The following TRIM58 variants were observed in gnomAD, a reference collection of about 807,000 sequenced individuals.
TRIM58 encodes the protein tripartite motif containing 58.
Under a neutral mutation model 34.1 loss-of-function variants are expected in TRIM58, and 38 were observed. That is an observed-to-expected ratio of 1.12 (90% confidence interval 0.86 to 1.46). TRIM58 has a LOEUF of 1.46. TRIM58 is among the 40% of genes most tolerant of loss of function. The probability of loss-of-function intolerance (pLI) is 0.00; values close to 1 mark genes in which losing one functional copy is unlikely to be tolerated. For synonymous variants in TRIM58, 273 were observed against 275.7 expected, an observed-to-expected ratio of 0.99 and a Z score of 0.10; for missense variants, 677 against 642.0, an observed-to-expected ratio of 1.05 and a Z score of -0.59.
intron 5 of TRIM58, among the ~76,000 whole-genome samples, chr1:247,872,784 TGGTG>T (rs1419640803): frequency 6.6e-6 from 1 of 151,794 alleles, no homozygotes; most frequent in Non-Finnish European, 1.5e-5. Flanking sequence ...GTTTCTCCAG[TGGTG>T]GTGGTGGAGG....
intron 5 of TRIM58, among the ~76,000 whole-genome samples, 153 bp downstream of exon 5, chr1:247,868,216 C>T (rs1191494472): frequency 6.6e-6 from 1 of 152,074 alleles, no homozygotes; most frequent in Non-Finnish European, 1.5e-5. Context: ...ACCAACAGAA[C>T]CTAAAGTCTT....
chr1:247,875,859 C>T (rs1454466385), intron 5 of TRIM58, 41 bp from the exon 6 acceptor site: 3 of 1,542,892 alleles, frequency 1.9e-6, no homozygotes, highest in Non-Finnish European at 2.6e-6. Context: ...TCTACCAGTC[C>T]TTTCTTTCCT....
intron 5 of TRIM58, among the ~76,000 whole-genome samples, chr1:247,875,532 C>T (rs79170292): frequency 0.026 from 3,927 of 151,860 alleles, 161 homozygotes; most frequent in African/African-American, 0.089. Context: ...AGCAAGACCC[C>T]GTCTCTCTGT....
At chr1:247,871,494 T>C (rs1188071547) in intron 5 of TRIM58, among the ~76,000 whole-genome samples, 1 of 152,216 alleles carries the variant, frequency 6.6e-6, no homozygotes, top group Non-Finnish European at 1.5e-5. Context: ...TCCCAAGTAA[T>C]GAAAACTATG....
chr1:247,873,193 G>T (rs1659190496), intron 5 of TRIM58, among the ~76,000 whole-genome samples: 1 of 152,082 alleles, frequency 6.6e-6, no homozygotes, highest in Admixed American at 6.6e-5. Flanking sequence ...TCATGCCATT[G>T]AACTCCAGCC....
At position 247,876,504 on chromosome 1, in the gene TRIM58, G is replaced by A. The variant is rs757632138; in HGVS notation, c.*15G>A. ...ATCATCTCTAAAATTCTGTTCCCAA[G>A]ATGCAGTCCTAGCGTAGCGAACGTT... On this transcript the variant is annotated 3_prime_UTR_variant, in exon 6 of 6. Transcript: ENST00000366481. 6 of 1,603,330 alleles carry A rather than the reference G, an allele frequency of 3.7e-6. No homozygotes were observed. Among genetic ancestry groups the A allele is most frequent in the Non-Finnish European group, 8.5e-7 (1 of 1,172,692 alleles).
chr1:247,876,376 A>G lies in TRIM58; in HGVS notation c.1348A>G (p.Ile450Val). 1.9e-6 allele frequency: 3 copies of G among 1,614,140 alleles called. No homozygotes were observed. The highest frequency in any genetic ancestry group is 2.5e-6 in the Non-Finnish European group (3 of 1,180,026). The change falls in exon 6 of 6, where the codon ATC becomes GTC. Residue 450 changes from isoleucine to valine, a missense_variant. Ile to Val is a conservative substitution (Grantham distance 29). Coordinates refer to ENST00000366481, the MANE Select transcript of TRIM58 (RefSeq NM_015431.4). ...FSGLLRPYFFICDATPLILPP... is the reference protein window; with the variant it reads ...FSGLLRPYFFVCDATPLILPP... ...TGGTCTTCTTCGGCCTTACTTTTTC[A>G]TCTGTGATGCAACTCCTCTTATCTT...
rs369174039 is a variant in TRIM58, at chr1:247,875,928, G to A, written c.900G>A (p.Ala300=). 19 of 1,613,020 alleles carry A rather than the reference G, an allele frequency of 1.2e-5. No individual in the cohort carries two copies. The highest frequency in any genetic ancestry group is 2.7e-5 in the African/African-American group (2 of 74,890). Residue 300 remains alanine (A), a synonymous_variant, in exon 6 of 6, where the codon GCG becomes GCA. Transcript: ENST00000366481. ...QVDVKLDPAT[A]HPSLLLTADL... ...ATGTAAAGCTGGATCCCGCCACGGCGCACCCGAGTCTGCTCTTGACCGCCG... is the reference window on the plus strand; with the variant it reads ...ATGTAAAGCTGGATCCCGCCACGGCACACCCGAGTCTGCTCTTGACCGCCG...
At position 247,879,386 on chromosome 1, in the gene TRIM58, T is replaced by C. The variant is rs372033751; in HGVS notation, c.*2897T>C. ...ATCCTGCCCCTCTGGATTATGACTT[T>C]CGTTTCCTCACAGTGGTCCTGCTTG... On this transcript the variant is annotated 3_prime_UTR_variant, in exon 6 of 6. Transcript: ENST00000366481. 3.3e-5 allele frequency among the ~76,000 whole-genome samples: 5 copies of C among 152,352 alleles called. No homozygotes were observed. Among genetic ancestry groups the C allele is most frequent in the Middle Eastern group, 3.4e-3 (1 of 294 alleles).
At position 247,860,143 on chromosome 1, in the gene TRIM58, A is replaced by G. The variant is rs142749689; in HGVS notation, c.421-474A>G. On this transcript the variant is annotated intron_variant, in intron 1 of 5. Coordinates refer to ENST00000366481, the MANE Select transcript of TRIM58 (RefSeq NM_015431.4). ...CAATGCAGTGAGCATACTTTTAGATAAATATTTGATTGTATCTGGTATTAA... is the reference window on the plus strand; with the variant it reads ...CAATGCAGTGAGCATACTTTTAGATGAATATTTGATTGTATCTGGTATTAA... 1.3e-4 allele frequency among the ~76,000 whole-genome samples: 20 copies of G among 152,310 alleles called. No homozygotes were observed. In the East Asian group the frequency reaches 3.5e-3, roughly 26 times the overall value.
chr1:247,878,720 A>C lies in TRIM58; in HGVS notation c.*2231A>C, dbSNP rs965434219. Among the ~76,000 whole-genome samples the C allele has an allele frequency of 6.6e-6, 1 of 151,944 alleles. No individual in the cohort carries two copies. Among genetic ancestry groups the C allele is most frequent in the African/African-American group, 2.4e-5 (1 of 41,348 alleles). The stretch of plus-strand genomic sequence containing the variant: ...GGGAGAACACCTCCACATGTCTTCT[A>C]CTCTCTCCATAGGATGGAATGAGTG... On this transcript the variant is annotated 3_prime_UTR_variant, in exon 6 of 6. Transcript: ENST00000366481.
At chr1:247,859,752 G>A (rs1663737509) in intron 1 of TRIM58, among the ~76,000 whole-genome samples, 1 of 151,608 alleles carries the variant, frequency 6.6e-6, no homozygotes. Context: ...AAGTTATATA[G>A]AGAAATACAG....
Position 247,878,252 on chromosome 1 carries a change from C to G in TRIM58, c.*1763C>G, listed in dbSNP as rs1430303187. On this transcript the variant is annotated 3_prime_UTR_variant, in exon 6 of 6. Coordinates refer to ENST00000366481, the MANE Select transcript of TRIM58 (RefSeq NM_015431.4). The stretch of plus-strand genomic sequence containing the variant: ...TGTTTAAATGGTAAATGCTTCAATG[C>G]TAACCAAATATTAATTAATGGCAAA... 1 of 152,012 alleles carries G rather than the reference C, an allele frequency of 6.6e-6. No homozygotes were observed. 9.4% of individuals were successfully genotyped at this position (152,012 alleles called of 1,614,324 possible). A position where few individuals can be genotyped will look rare whatever the true frequency, so the allele number is the denominator to read the frequency against.
At chr1:247,870,342 G>A (rs964956230) in intron 5 of TRIM58, among the ~76,000 whole-genome samples, 59 of 134,264 alleles carry the variant, frequency 4.4e-4, no homozygotes, top group South Asian at 1.0e-3. Context: ...GCACCACCAT[G>A]CCCAGAAGAA....
intron 5 of TRIM58, among the ~76,000 whole-genome samples, chr1:247,868,953 G>A (rs1180101055): frequency 6.6e-6 from 1 of 152,132 alleles, no homozygotes; most frequent in Non-Finnish European, 1.5e-5. Flanking sequence ...AGGCTGGAGT[G>A]CAGTGGCGCC....
At chr1:247,858,752 CTTTTTTTTTTTTTTTT>C (rs386370399) in intron 1 of TRIM58, among the ~76,000 whole-genome samples, 2 of 87,856 alleles carry the variant, frequency 2.3e-5, no homozygotes, top group African/African-American at 4.8e-5. Flanking sequence ...TTGGTAGTAA[CTTTTTTTTTTTTTTTT>C]TTTTTTTTTT....
intron 5 of TRIM58, among the ~76,000 whole-genome samples, chr1:247,870,698 G>A (rs570880941): frequency 9.6e-5 from 2 of 20,806 alleles, no homozygotes; most frequent in African/African-American, 1.6e-4. Flanking sequence ...ACGGCCACCC[G>A]TAGAGCCTGC....
In TRIM58 at chr1:247,877,404, C is replaced by G. The variant is rs546827347; in HGVS notation, c.*915C>G. The G allele has an allele frequency of 1.9e-4, 25 of 128,470 alleles. No individual in the cohort carries two copies. The highest frequency in any genetic ancestry group is 6.3e-4 in the African/African-American group (23 of 36,558). The allele number at this position is 128,470 out of a possible 1,614,324, so 8.0% of individuals were successfully genotyped here. A position where few individuals can be genotyped will look rare whatever the true frequency, so the allele number is the denominator to read the frequency against. The stretch of plus-strand genomic sequence containing the variant: ...TGGCCAACATGGTGAAACCCTGTCT[C>G]TACTAAAAAAAAAAAAAAAATAGAA... On this transcript the variant is annotated 3_prime_UTR_variant, in exon 6 of 6. Transcript: ENST00000366481.
At chr1:247,861,278 T>TAC (rs140839343) in intron 2 of TRIM58, among the ~76,000 whole-genome samples, 10,955 of 151,312 alleles carry the variant, frequency 0.072, 489 homozygotes, top group African/African-American at 0.12. Flanking sequence ...GTGATTCACA[T>TAC]ACACACACAC....
Sources: allele counts gnomAD v4.1 joint callset (sites outside exome capture counted in the v4.1 genomes callset), GRCh38; gene constraint gnomAD v4.1.1; transcripts MANE v1.5; gene names NCBI Gene and HGNC (gene_info 2026-07-23, HGNC 2026-07-21).